ITGB2: variants seen among roughly 807,000 people sequenced by gnomAD.
ITGB2 encodes integrin beta-2.
In ITGB2, 56 loss-of-function variants were observed where a neutral mutation model predicts 86.8. The observed-to-expected ratio is 0.65, with a 90% CI of 0.52 to 0.81. The LOEUF is 0.81. Among genes scored for constraint, ITGB2 ranks in the 30% least tolerant of loss-of-function variants. ITGB2 has a pLI of 0.00. For missense variants in ITGB2, 948 were observed against 1,061.2 expected (o/e 0.89, Z 1.48); for synonymous variants, 457 against 450.4 (o/e 1.01, Z -0.19).
rs1337987157 is a variant in ITGB2 at position 44,898,711 on chromosome 21, A to C, written c.993+356T>G. On this transcript the variant is annotated intron_variant, in intron 8 of 15. Coordinates refer to ENST00000652462, the MANE Select transcript of ITGB2 (RefSeq NM_000211.5). Reference sequence around the variant, plus strand: ...AACGTTTTTGTGTAATTTTATCTTCACGGAGAGTGTTGATGTTCAAATGTA... The same window carrying C: ...AACGTTTTTGTGTAATTTTATCTTCCCGGAGAGTGTTGATGTTCAAATGTA... Among the ~76,000 whole-genome samples, 5 of 152,194 alleles carry C rather than the reference A, an allele frequency of 3.3e-5. No individual in the cohort carries two copies. In the East Asian group the frequency reaches 9.6e-4, roughly 29 times the overall value.
At chr21:44,886,958 G>A in intron 14 of ITGB2, 56 bp from the exon 15 acceptor site, 1 of 1,600,708 alleles carries the variant, frequency 6.2e-7, no homozygotes, top group Non-Finnish European at 8.5e-7. Context: ...ACTGAGCCGT[G>A]TGCCCACAGG....
intron 1 of ITGB2, 95 bp from the exon 2 acceptor site, chr21:44,910,880 C>T (rs188201496): frequency 1.6e-6 from 2 of 1,281,858 alleles, no homozygotes; most frequent in Admixed American, 3.9e-5. Context: ...GGACAAGGAG[C>T]TGGGGCCCTG....
rs767679796 is a variant in ITGB2, at chr21:44,899,048, G to A, written c.993+19C>T. 6.9e-6 allele frequency: 11 copies of A among 1,593,432 alleles called. No individual in the cohort carries two copies. The highest frequency in any genetic ancestry group is 6.7e-5 in the East Asian group (3 of 44,728). On this transcript the variant is annotated intron_variant, in intron 8 of 15. Transcript: ENST00000652462. ...ACATGCCCCCACCCAATGGATGCTCGGGACCCAACAGCACTCACCTCGTAG... is the reference window on the plus strand; with the variant it reads ...ACATGCCCCCACCCAATGGATGCTCAGGACCCAACAGCACTCACCTCGTAG...
chr21:44,923,427 G>A (rs1188248006), upstream of ITGB2, among the ~76,000 whole-genome samples: 6 of 134,098 alleles, frequency 4.5e-5, no homozygotes, highest in Admixed American at 4.7e-4. Context: ...AGATGGTGCA[G>A]TATAATGTTT....
At chr21:44,917,798 G>A (rs182473057) in intron 1 of ITGB2, among the ~76,000 whole-genome samples, 167 of 152,214 alleles carry the variant, frequency 1.1e-3, no homozygotes, top group African/African-American at 3.6e-3. Context: ...TGTCCCCAGC[G>A]AGGCTGTTTA....
chr21:44,888,640 A>G, intron 14 of ITGB2, 53 bp downstream of exon 14: 4 of 1,573,780 alleles, frequency 2.5e-6, no homozygotes, highest in Non-Finnish European at 3.5e-6. Flanking sequence ...CTCTGCGGAG[A>G]CCCCGCAGCC....
chr21:44,886,730 A>G lies in ITGB2; in HGVS notation c.2247+6T>C, dbSNP rs772320598. 1 of 1,613,976 alleles carries G rather than the reference A, an allele frequency of 6.2e-7. No homozygotes were observed. The highest frequency in any genetic ancestry group is 1.7e-5 in the Admixed American group (1 of 60,016). ...CTGCGTGGGACCCCCAAGGACGGCC[A>G]CTTACATTGTTCCACTGGGACTTGA... On this transcript the variant is annotated splice_donor_region_variant and intron_variant, in intron 15 of 15. Coordinates refer to ENST00000652462, the MANE Select transcript of ITGB2 (RefSeq NM_000211.5).
chr21:44,926,059 C>T (rs559473874), intron 1 of ITGB2, among the ~76,000 whole-genome samples: 1 of 152,154 alleles, frequency 6.6e-6, no homozygotes, highest in South Asian at 2.1e-4. Context: ...GAGCCAAGAT[C>T]GTGCCACTGC....
intron 1 of ITGB2, among the ~76,000 whole-genome samples, chr21:44,919,741 C>T (rs967249891): frequency 6.6e-6 from 1 of 152,234 alleles, no homozygotes; most frequent in African/African-American, 2.4e-5. Context: ...TCCTTCTCCC[C>T]ACCCAGGAAC....
rs754440398 is a variant in ITGB2, at chr21:44,910,783, G to A, written c.-1C>T. On this transcript the variant is annotated splice_region_variant and 5_prime_UTR_variant, in exon 2 of 16. Coordinates refer to ENST00000652462, the MANE Select transcript of ITGB2 (RefSeq NM_000211.5). Reference sequence around the variant, plus strand: ...GCAGTGGGGGGCGCAGGCCCAGCATGTCCTGTGGAGGGAAGGGGTCTTGGT... The same window carrying A: ...GCAGTGGGGGGCGCAGGCCCAGCATATCCTGTGGAGGGAAGGGGTCTTGGT... 2.0e-5 allele frequency: 33 copies of A among 1,613,114 alleles called. No individual in the cohort carries two copies. The Admixed American group carries it at 5.5e-4, about 27-fold the overall frequency.
At chr21:44,911,286 A>C in intron 1 of ITGB2, 1 of 227,228 alleles carries the variant, frequency 4.4e-6, no homozygotes, top group South Asian at 5.8e-5. Context: ...ACGTACACAC[A>C]CATACACACC....
At chr21:44,892,623 A>G (rs1025597701) in intron 10 of ITGB2, among the ~76,000 whole-genome samples, 1 of 151,702 alleles carries the variant, frequency 6.6e-6, no homozygotes, top group East Asian at 1.9e-4. Flanking sequence ...AAAAAAAAAA[A>G]AAAATCCACA....
chr21:44,914,006 C>T (rs1372821785), intron 1 of ITGB2, among the ~76,000 whole-genome samples: 1 of 152,104 alleles, frequency 6.6e-6, no homozygotes, highest in East Asian at 1.9e-4. Flanking sequence ...CACCCCAGCC[C>T]CTGAGCTGGC....
intron 1 of ITGB2, chr21:44,928,495 G>GC (rs1024749768): frequency 1.8e-4 from 27 of 152,584 alleles, no homozygotes; most frequent in African/African-American, 6.0e-4. Flanking sequence ...GGGAGATAAT[G>GC]CCCTCATCTA....
chr21:44,900,298 G>C (rs753517310), intron 7 of ITGB2, 22 bp downstream of exon 7: 2 of 1,614,136 alleles, frequency 1.2e-6, no homozygotes, highest in South Asian at 2.2e-5. Flanking sequence ...GCGGTGCCTG[G>C]GTGCCTGGGG....
At chr21:44,914,009 G>C (rs1568905285) in intron 1 of ITGB2, among the ~76,000 whole-genome samples, 1 of 152,054 alleles carries the variant, frequency 6.6e-6, no homozygotes, top group Non-Finnish European at 1.5e-5. Flanking sequence ...CCCAGCCCCT[G>C]AGCTGGCCCC....
upstream of ITGB2, among the ~76,000 whole-genome samples, chr21:44,922,528 G>C (rs868779365): frequency 6.6e-6 from 1 of 151,608 alleles, no homozygotes; most frequent in Non-Finnish European, 1.5e-5. Flanking sequence ...CTAAGAATTC[G>C]CCAGGCATGG....
intron 3 of ITGB2, chr21:44,908,152 T>G (rs1296071870): frequency 1.3e-6 from 1 of 745,040 alleles, no homozygotes; most frequent in Non-Finnish European, 2.5e-6. Flanking sequence ...CTCGCCGCGG[T>G]GGCGTGGGCT....
chr21:44,893,592 C>G, intron 9 of ITGB2, 48 bp from the exon 10 acceptor site: 1 of 1,609,362 alleles, frequency 6.2e-7, no homozygotes. Flanking sequence ...TTCTGTTGTC[C>G]TGGCCCTGCC....
Sources: gnomAD v4.1 joint callset for allele counts (sites outside exome capture counted in the v4.1 genomes callset) on GRCh38, gnomAD v4.1.1 for gene constraint, MANE v1.5 for transcripts, NCBI Gene and HGNC (gene_info 2026-07-23, HGNC 2026-07-21) for gene names.